MYL10: variants seen among roughly 807,000 people sequenced by gnomAD.
MYL10 encodes the protein myosin light chain 10, also known as myosin regulatory light chain 10.
A neutral mutation model predicts 21.9 loss-of-function variants in MYL10; 18 were observed. That is an observed-to-expected ratio of 0.82 (90% CI 0.57 to 1.22). MYL10 has a LOEUF of 1.22. Ranked by LOEUF, MYL10 falls within the 50% of genes most tolerant of loss-of-function variation. MYL10 has a pLI of 0.00. For synonymous variants in MYL10, 88 were observed against 82.8 expected, an observed-to-expected ratio of 1.06 and a Z score of -0.34; for missense variants, 225 against 230.4, an observed-to-expected ratio of 0.98 and a Z score of 0.15.
intron 6 of MYL10, among the ~76,000 whole-genome samples, chr7:101,615,053 C>A (rs1317352474): frequency 6.6e-6 from 1 of 152,176 alleles, no homozygotes; most frequent in Non-Finnish European, 1.5e-5. Flanking sequence ...ATTCTTGGCT[C>A]TCTGTTCCCT....
rs190627757 is a variant in MYL10, at chr7:101,622,197, C to T, written c.353G>A (p.Arg118His). The change falls in exon 5 of 8, where the codon CGC (arginine) becomes CAC (histidine). Residue 118 changes from arginine to histidine, a missense_variant. Physicochemically the swap from Arg to His is conservative, Grantham distance 29 (BLOSUM62 0). Coordinates refer to ENST00000223167, the MANE Select transcript of MYL10 (RefSeq NM_138403.5). ...DLRDTFAALGRINVKNEELEA... is the reference protein window; with the variant it reads ...DLRDTFAALGHINVKNEELEA... ...CAGTTCCTCGTTCTTGACATTGATG[C>T]GGCCTGTGGGAGGTGAGAGGTGGGG... 1.0e-4 allele frequency: 167 copies of T among 1,610,978 alleles called. 1 individual carries two copies. The highest frequency in any genetic ancestry group is 1.7e-4 in the Admixed American group (10 of 59,768).
At chr7:101,618,498 C>T (rs1453521017) in intron 5 of MYL10, among the ~76,000 whole-genome samples, 1 of 152,198 alleles carries the variant, frequency 6.6e-6, no homozygotes, top group African/African-American at 2.4e-5. Context: ...TGGATTTAGG[C>T]ACCCAGCGCA....
chr7:101,617,013 C>A (rs996383951), intron 5 of MYL10, among the ~76,000 whole-genome samples: 3 of 152,240 alleles, frequency 2.0e-5, no homozygotes, highest in Non-Finnish European at 2.9e-5. Flanking sequence ...CCCCACATTG[C>A]ACCAATGGGA....
chr7:101,621,258 G>A (rs1203198099), intron 5 of MYL10, among the ~76,000 whole-genome samples: 1 of 152,174 alleles, frequency 6.6e-6, no homozygotes, highest in African/African-American at 2.4e-5. Flanking sequence ...TGGGGTTGAG[G>A]TTGCATCCCG....
At chr7:101,619,627 C>T (rs923056572) in intron 5 of MYL10, among the ~76,000 whole-genome samples, 9 of 152,114 alleles carry the variant, frequency 5.9e-5, no homozygotes, top group East Asian at 1.9e-4. Flanking sequence ...CGGTGGCTTA[C>T]GCCTGTAATC....
At chr7:101,626,485 C>T (rs759319982) in intron 1 of MYL10, among the ~76,000 whole-genome samples, 1 of 152,132 alleles carries the variant, frequency 6.6e-6, no homozygotes, top group Non-Finnish European at 1.5e-5. Context: ...AGCTCTGTGC[C>T]GAGAGGGACT....
chr7:101,615,838 G>C (rs1796603483), intron 6 of MYL10, among the ~76,000 whole-genome samples: 1 of 151,356 alleles, frequency 6.6e-6, no homozygotes, highest in Non-Finnish European at 1.5e-5. Flanking sequence ...GGGACTACAG[G>C]CATGCACCAC....
At chr7:101,627,536 C>T (rs1475217704) in intron 1 of MYL10, 3 of 152,788 alleles carry the variant, frequency 2.0e-5, no homozygotes, top group African/African-American at 7.2e-5. Context: ...CAGAGATGGC[C>T]CTTAAATAGT....
At position 101,624,023 on chromosome 7, in the gene MYL10, T is replaced by A. The variant is rs1207454943; in HGVS notation, c.172-2A>T. ...CAGCCTGGGCGACAGAGCCAGACTCTGTCAAACAAACAAATAATAATAATA... is the reference window on the plus strand; with the variant it reads ...CAGCCTGGGCGACAGAGCCAGACTCAGTCAAACAAACAAATAATAATAATA... On this transcript the variant is annotated splice_acceptor_variant, in intron 2 of 7. Coordinates refer to ENST00000223167, the MANE Select transcript of MYL10 (RefSeq NM_138403.5). LOFTEE classifies it high-confidence loss of function. 1 of 638,860 alleles carries A rather than the reference T, an allele frequency of 1.6e-6. No individual in the cohort carries two copies. Among genetic ancestry groups the A allele is most frequent in the Admixed American group, 2.5e-5 (1 of 39,564 alleles). The allele number at this position is 638,860 out of a possible 1,614,324, so 39.6% of individuals were successfully genotyped here. A position where few individuals can be genotyped will look rare whatever the true frequency, so the allele number is the denominator to read the frequency against.
At chr7:101,614,047 C>G (rs1295472214) in intron 6 of MYL10, among the ~76,000 whole-genome samples, 1 of 151,916 alleles carries the variant, frequency 6.6e-6, no homozygotes. Context: ...CACCGCAGAG[C>G]CTCTTTTGCC....
Position 101,622,168 on chromosome 7 carries a change from C to T in MYL10, c.382G>A (p.Ala128Thr). Residue 128 changes from alanine (A) to threonine (T), a missense_variant, in exon 5 of 8, where the codon GCC (alanine) becomes ACC (threonine). Coordinates refer to ENST00000223167, the MANE Select transcript of MYL10 (RefSeq NM_138403.5). ...RINVKNEELE[A>T]MVKEAPGPIN... The stretch of plus-strand genomic sequence containing the variant: ...GGTCCGGGGGCCTCCTTCACCATGG[C>T]CTCCAGTTCCTCGTTCTTGACATTG... 5 of 1,613,056 alleles carry T rather than the reference C, an allele frequency of 3.1e-6. No homozygotes were observed. Among genetic ancestry groups the T allele is most frequent in the Non-Finnish European group, 2.5e-6 (3 of 1,179,396 alleles).
In MYL10 at chr7:101,623,088, G is replaced by T; in HGVS notation, c.274-16C>A. Reference sequence around the variant, plus strand: ...TGGTGAAAGCCTGGCAGAGACACAGGTGCTAAGTAGTCACCTGCCCTTCCA... The same window carrying T: ...TGGTGAAAGCCTGGCAGAGACACAGTTGCTAAGTAGTCACCTGCCCTTCCA... On this transcript the variant is annotated splice_polypyrimidine_tract_variant and intron_variant, in intron 3 of 7. Transcript: ENST00000223167. 1 of 1,611,990 alleles carries T rather than the reference G, an allele frequency of 6.2e-7. No individual in the cohort carries two copies. Among genetic ancestry groups the T allele is most frequent in the Non-Finnish European group, 8.5e-7 (1 of 1,178,848 alleles).
At chr7:101,625,976 G>T (rs1796741232) in intron 1 of MYL10, among the ~76,000 whole-genome samples, 1 of 151,594 alleles carries the variant, frequency 6.6e-6, no homozygotes, top group Non-Finnish European at 1.5e-5. Context: ...GCTCCACGAG[G>T]GAGGGAGAGA....
At chr7:101,619,966 G>A (rs1796657245) in intron 5 of MYL10, among the ~76,000 whole-genome samples, 1 of 151,660 alleles carries the variant, frequency 6.6e-6, no homozygotes, top group African/African-American at 2.4e-5. Flanking sequence ...CTTTGCAGAT[G>A]TAAGTTAAGC....
intron 1 of MYL10, among the ~76,000 whole-genome samples, chr7:101,628,003 G>C (rs1480302473): frequency 6.6e-6 from 1 of 152,180 alleles, no homozygotes; most frequent in East Asian, 1.9e-4. Flanking sequence ...TGAAACCCCC[G>C]GTCTGCTTAT....
At chr7:101,616,441 C>T (rs1043802551) in intron 5 of MYL10, 143 bp from the exon 6 acceptor site, 6 of 624,792 alleles carry the variant, frequency 9.6e-6, no homozygotes, top group African/African-American at 9.2e-5. Flanking sequence ...ACTTCTTCCC[C>T]AACTTTCACT....
Position 101,613,680 on chromosome 7 carries a change from G to T in MYL10, c.564C>A (p.Asp188Glu). ...AGTTTACCTCCTCCTCACTGAAGCG[G>T]TCTGCCTGGGTCATAAGTTTTTCTT... ...VIKEKLMTQA[D>E]RFSEEEVKQM... Residue 188 changes from aspartate to glutamate, a missense_variant, in exon 7 of 8, where the codon GAC becomes GAA. Coordinates refer to ENST00000223167, the MANE Select transcript of MYL10 (RefSeq NM_138403.5). The T allele has an allele frequency of 6.2e-7, 1 of 1,614,148 alleles. No homozygotes were observed. Among genetic ancestry groups the T allele is most frequent in the Non-Finnish European group, 8.5e-7 (1 of 1,180,022 alleles).
chr7:101,624,847 T>A (rs1380481625), intron 1 of MYL10, among the ~76,000 whole-genome samples: 1 of 151,936 alleles, frequency 6.6e-6, no homozygotes, highest in Non-Finnish European at 1.5e-5. Flanking sequence ...CCCTGGAGAA[T>A]CTATCTAGAG....
chr7:101,627,784 C>T (rs1229457990), intron 1 of MYL10, among the ~76,000 whole-genome samples: 1 of 152,226 alleles, frequency 6.6e-6, no homozygotes, highest in South Asian at 2.1e-4. Flanking sequence ...GGGCATTTGG[C>T]CAAGGACACA....
Sources: allele counts gnomAD v4.1 joint callset (sites outside exome capture counted in the v4.1 genomes callset), GRCh38; gene constraint gnomAD v4.1.1; transcripts MANE v1.5; gene names NCBI Gene and HGNC (gene_info 2026-07-23, HGNC 2026-07-21).